SLC9A2: variants seen among roughly 807,000 people sequenced by gnomAD.
SLC9A2 encodes the protein solute carrier family 9 member A2.
In SLC9A2, 42 loss-of-function variants were observed where a neutral mutation model predicts 71.7. That is an observed-to-expected ratio of 0.59 (90% CI 0.46 to 0.76). SLC9A2 has a LOEUF of 0.76. Ranked by LOEUF, SLC9A2 falls within the 30% of genes least tolerant of loss-of-function variation. The pLI is 0.00. For missense variants in SLC9A2, 829 were observed against 1,017.4 expected (o/e 0.81, Z 2.52); for synonymous variants, 396 against 392.5 (o/e 1.01, Z -0.10).
At chr2:102,671,165 C>T (rs11676285) in intron 3 of SLC9A2, among the ~76,000 whole-genome samples, 47,259 of 151,978 alleles carry the variant, frequency 0.31, 8,302 homozygotes, top group East Asian at 0.52. Flanking sequence ...GAGAAGGAAG[C>T]GGGGAATCAA....
chr2:102,690,359 AC>A (rs1160913886), intron 5 of SLC9A2, among the ~76,000 whole-genome samples: 1 of 152,204 alleles, frequency 6.6e-6, no homozygotes, highest in Admixed American at 6.5e-5. Context: ...AGTGAGGAGA[AC>A]AAAACCCCAA....
At chr2:102,695,792 T>TATATTATATATATATATA (rs1677750143) in intron 7 of SLC9A2, among the ~76,000 whole-genome samples, 8 of 39,864 alleles carry the variant, frequency 2.0e-4, no homozygotes, top group Middle Eastern at 0.011. Flanking sequence ...ATATATATTA[T>TATATTATATATATATATA]ATATATATTA....
chr2:102,638,099 G>T (rs1676505169), intron 1 of SLC9A2, among the ~76,000 whole-genome samples: 1 of 152,168 alleles, frequency 6.6e-6, no homozygotes. Context: ...CTCAATATGA[G>T]CTCAATCTTT....
intron 3 of SLC9A2, among the ~76,000 whole-genome samples, chr2:102,677,822 A>G (rs1016138361): frequency 6.6e-6 from 1 of 152,138 alleles, no homozygotes; most frequent in Non-Finnish European, 1.5e-5. Flanking sequence ...ATAAAGTTAA[A>G]ACTCCTAAGC....
At chr2:102,647,268 G>A (rs1167231913) in intron 1 of SLC9A2, among the ~76,000 whole-genome samples, 1 of 152,034 alleles carries the variant, frequency 6.6e-6, no homozygotes, top group African/African-American at 2.4e-5. Context: ...AATAAATTAA[G>A]GCAGAAATAA....
rs150491709 is a variant in SLC9A2, at chr2:102,675,582, G to A, written c.1005-7679G>A. Among the ~76,000 whole-genome samples, 71 of 152,156 alleles carry A rather than the reference G, an allele frequency of 4.7e-4. 1 individual carries two copies. The highest frequency in any genetic ancestry group is 3.4e-3 in the Middle Eastern group (1 of 294). On this transcript the variant is annotated intron_variant, in intron 3 of 11. Coordinates refer to ENST00000233969, the MANE Select transcript of SLC9A2 (RefSeq NM_003048.6). ...TTAAGGAGGAGGATCAGGAAATGCC[G>A]CTGTCAGCAGGGATAAGGTGCCTAG...
rs1355618924 is a variant in SLC9A2 at position 102,619,936 on chromosome 2, G to A, written c.88G>A (p.Gly30Ser). The change falls in exon 1 of 12, where the codon GGC becomes AGC. Residue 30 changes from glycine to serine, a missense_variant. Transcript: ENST00000233969. This position sits in a 1 kb window ranked among gnomAD's most constrained non-coding sequence, Gnocchi z 4.3. ...GCTCCTGCAGGTGGCGGGGCCCGTG[G>A]GCGCCCTGGCGGAGACCTTGCTGAA... The part of the protein sequence containing the change: ...LLLLQVAGPV[G>S]ALAETLLNAP... The A allele has an allele frequency of 1.2e-6, 2 of 1,606,974 alleles. No individual in the cohort carries two copies. Among genetic ancestry groups the A allele is most frequent in the East Asian group, 2.2e-5 (1 of 44,630 alleles).
chr2:102,683,748 TC>T (rs1677498435), intron 4 of SLC9A2, among the ~76,000 whole-genome samples: 1 of 97,786 alleles, frequency 1.0e-5, no homozygotes, highest in Non-Finnish European at 2.2e-5. Context: ...CTCCTGTTTC[TC>T]TTTCTCCTCC....
chr2:102,680,570 A>C (rs1287083691), intron 3 of SLC9A2, among the ~76,000 whole-genome samples: 1 of 152,068 alleles, frequency 6.6e-6, no homozygotes, highest in Admixed American at 6.6e-5. Flanking sequence ...AACTGCATGC[A>C]AGCAGCAGAG....
At chr2:102,622,694 G>A (rs1319235233) in intron 1 of SLC9A2, among the ~76,000 whole-genome samples, 1 of 152,144 alleles carries the variant, frequency 6.6e-6, no homozygotes, top group African/African-American at 2.4e-5. Context: ...GAGAATGAAT[G>A]TGTAACATCT....
At position 102,708,177 on chromosome 2, in the gene SLC9A2, C is replaced by T; in HGVS notation, c.2127C>T (p.Pro709=). 1 of 1,614,164 alleles carries T rather than the reference C, an allele frequency of 6.2e-7. No individual in the cohort carries two copies. The highest frequency in any genetic ancestry group is 1.7e-5 in the Admixed American group (1 of 60,032). Residue 709 remains proline (P), a synonymous_variant, in exon 12 of 12, where the codon CCC becomes CCT. Transcript: ENST00000233969. ...GGACCACCGTGCTCAATTTGCAGCC[C>T]AGAGCCAGGCGCTTCTTGCCAGAAC... ...DAGTTVLNLQ[P]RARRFLPEQF...
intron 1 of SLC9A2, among the ~76,000 whole-genome samples, chr2:102,627,903 C>T (rs1328411891): frequency 6.6e-6 from 1 of 152,092 alleles, no homozygotes; most frequent in Non-Finnish European, 1.5e-5. Context: ...AATAGTTTCT[C>T]TGCTGGTATT....
chr2:102,695,827 A>C (rs1677757618), intron 7 of SLC9A2, among the ~76,000 whole-genome samples: 1 of 126,348 alleles, frequency 7.9e-6, no homozygotes, highest in African/African-American at 3.2e-5. Context: ...ATATATATAA[A>C]AAGCTAAAAT....
chr2:102,656,984 C>A (rs1676954178), intron 1 of SLC9A2, among the ~76,000 whole-genome samples: 1 of 152,132 alleles, frequency 6.6e-6, no homozygotes, highest in South Asian at 2.1e-4. Flanking sequence ...GTGGGCGGAT[C>A]ACCTGAGGTC....
chr2:102,637,419 C>G (rs1271489221), intron 1 of SLC9A2, among the ~76,000 whole-genome samples: 1 of 152,192 alleles, frequency 6.6e-6, no homozygotes, highest in East Asian at 1.9e-4. Flanking sequence ...TCCTGGGGCA[C>G]AGTTGCAGTG....
At chr2:102,648,337 A>G (rs573790086) in intron 1 of SLC9A2, among the ~76,000 whole-genome samples, 1 of 152,318 alleles carries the variant, frequency 6.6e-6, no homozygotes, top group Non-Finnish European at 1.5e-5. Flanking sequence ...TTGATGGAAC[A>G]TATTTCAAAA....
intron 1 of SLC9A2, among the ~76,000 whole-genome samples, chr2:102,634,064 A>G (rs1391492649): frequency 1.3e-5 from 2 of 152,204 alleles, no homozygotes; most frequent in African/African-American, 4.8e-5. Context: ...TCAATAAGTA[A>G]TTACTGAGTA....
intron 1 of SLC9A2, among the ~76,000 whole-genome samples, chr2:102,631,142 G>C (rs1247604437): frequency 6.6e-6 from 1 of 152,014 alleles, no homozygotes; most frequent in Non-Finnish European, 1.5e-5. Context: ...GCTTTACTAT[G>C]TGATTCAAGT....
intron 1 of SLC9A2, among the ~76,000 whole-genome samples, chr2:102,641,898 G>C (rs1000205174): frequency 6.6e-6 from 1 of 151,412 alleles, no homozygotes; most frequent in Non-Finnish European, 1.5e-5. Flanking sequence ...GGGCCTGTCG[G>C]GGGGTGGGGG....
Sources: gnomAD v4.1 joint callset for allele counts (sites outside exome capture counted in the v4.1 genomes callset) on GRCh38, gnomAD v4.1.1 for gene constraint, Gnocchi (gnomAD v3.1) non-coding constraint, MANE v1.5 for transcripts, NCBI Gene and HGNC (gene_info 2026-07-23, HGNC 2026-07-21) for gene names.